Variants in SANBR observed in about 807,000 individuals in gnomAD.
SANBR encodes SANT and BTB domain regulator of CSR, also known as SANT and BTB domain regulator of class switch recombination.
SANBR carries 77 observed loss-of-function variants against 101.8 expected under a neutral mutation model. That is an observed-to-expected ratio of 0.76 (90% CI 0.63 to 0.91). The LOEUF (loss-of-function observed/expected upper bound fraction) is 0.91. SANBR is among the 40% of genes least tolerant of loss of function. The pLI is 0.00. For missense variants in SANBR, 875 were observed against 853.0 expected (o/e 1.03, Z -0.32); for synonymous variants, 279 against 274.7 (o/e 1.02, Z -0.15).
intron 17 of SANBR, 152 bp downstream of exon 17, chr2:61,116,222 T>C: frequency 3.5e-6 from 2 of 570,170 alleles, no homozygotes; most frequent in Non-Finnish European, 3.1e-6. Flanking sequence ...ATCTCTAAGA[T>C]ATATTGACAA....
At chr2:61,120,477 GCAAC>G (rs1202462123) in intron 20 of SANBR, among the ~76,000 whole-genome samples, 1 of 152,180 alleles carries the variant, frequency 6.6e-6, no homozygotes, top group Non-Finnish European at 1.5e-5. Flanking sequence ...TCTAGCCTGG[GCAAC>G]ACAGAGCGAT....
At chr2:61,098,291 A>G (rs1045830412) in intron 12 of SANBR, among the ~76,000 whole-genome samples, 6 of 151,792 alleles carry the variant, frequency 4.0e-5, no homozygotes, top group African/African-American at 1.2e-4. Context: ...TTTGTTAGAG[A>G]CAGGGTTTCG....
intron 13 of SANBR, among the ~76,000 whole-genome samples, chr2:61,105,384 C>G (rs1432268590): frequency 6.6e-6 from 1 of 151,546 alleles, no homozygotes; most frequent in African/African-American, 2.4e-5. Flanking sequence ...AAAAGCATTT[C>G]AGTTGGAGTT....
intron 8 of SANBR, among the ~76,000 whole-genome samples, chr2:61,087,894 GAA>G (rs1682527287): frequency 6.6e-6 from 1 of 151,532 alleles, no homozygotes; most frequent in Non-Finnish European, 1.5e-5. Context: ...AAAAATGACT[GAA>G]AGATAGCTAT....
chr2:61,113,330 A>G (rs1331212566), intron 16 of SANBR, among the ~76,000 whole-genome samples: 1 of 152,104 alleles, frequency 6.6e-6, no homozygotes, highest in African/African-American at 2.4e-5. Context: ...ATTTTCTACA[A>G]ATTTTAGAGT....
intron 13 of SANBR, among the ~76,000 whole-genome samples, chr2:61,104,584 T>C (rs1401001783): frequency 6.6e-6 from 1 of 152,144 alleles, no homozygotes; most frequent in East Asian, 1.9e-4. Flanking sequence ...CTTGAGGCCC[T>C]CTCAACCAAT....
rs1684165016 is a variant in SANBR, at chr2:61,118,124, T to C, written c.2028+8T>C. ...TCAAAGGAAGCAAAAGAAGTAAGAA[T>C]TGTGTACTAGTGTATTGTACTTGTG... On this transcript the variant is annotated splice_region_variant and intron_variant, in intron 20 of 21. Transcript: ENST00000402291. The C allele has an allele frequency of 1.3e-6, 2 of 1,591,358 alleles. No homozygotes were observed. The highest frequency in any genetic ancestry group is 1.7e-6 in the Non-Finnish European group (2 of 1,160,240).
intron 1 of SANBR, among the ~76,000 whole-genome samples, chr2:61,066,686 A>G (rs1681189420): frequency 6.6e-6 from 1 of 152,210 alleles, no homozygotes; most frequent in African/African-American, 2.4e-5. Flanking sequence ...CCACTGGCTA[A>G]GGGAAAACGT....
intron 5 of SANBR, among the ~76,000 whole-genome samples, chr2:61,076,639 A>AAAAG (rs781010289): frequency 6.6e-6 from 1 of 151,680 alleles, no homozygotes; most frequent in Non-Finnish European, 1.5e-5. Context: ...AAAAAAAAAA[A>AAAAG]AAAGAAAGAA....
At chr2:61,104,620 C>G (rs1683464207) in intron 13 of SANBR, among the ~76,000 whole-genome samples, 1 of 152,140 alleles carries the variant, frequency 6.6e-6, no homozygotes, top group African/African-American at 2.4e-5. Flanking sequence ...TTGTATCAAT[C>G]AATGCATGAT....
At chr2:61,119,769 G>A (rs759140414) in intron 20 of SANBR, among the ~76,000 whole-genome samples, 1 of 151,872 alleles carries the variant, frequency 6.6e-6, no homozygotes, top group East Asian at 1.9e-4. Context: ...ACCAGCCTGG[G>A]CGACATGATG....
At chr2:61,132,661 C>G (rs948951795) in intron 20 of SANBR, among the ~76,000 whole-genome samples, 2 of 152,124 alleles carry the variant, frequency 1.3e-5, no homozygotes, top group Non-Finnish European at 1.5e-5. Flanking sequence ...CAGATATATA[C>G]GCAAAAGAAT....
intron 3 of SANBR, 70 bp downstream of exon 3, chr2:61,070,570 AAG>A (rs1681409025): frequency 1.4e-6 from 2 of 1,393,638 alleles, no homozygotes; most frequent in Non-Finnish European, 2.0e-6. Context: ...AAGAAACACC[AAG>A]AGAGAGAAAA....
chr2:61,084,234 G>T (rs1018567198), intron 8 of SANBR, among the ~76,000 whole-genome samples: 2 of 152,108 alleles, frequency 1.3e-5, no homozygotes, highest in East Asian at 3.9e-4. Flanking sequence ...GATTACAGGT[G>T]TGAGCCACCA....
At chr2:61,105,906 G>A (rs566952383) in intron 13 of SANBR, among the ~76,000 whole-genome samples, 1 of 152,102 alleles carries the variant, frequency 6.6e-6, no homozygotes, top group East Asian at 1.9e-4. Flanking sequence ...TCCTGACCTC[G>A]TGATCCGCCC....
chr2:61,118,777 G>T (rs1020334170), intron 20 of SANBR, among the ~76,000 whole-genome samples: 13 of 151,766 alleles, frequency 8.6e-5, no homozygotes, highest in Non-Finnish European at 1.6e-4. Flanking sequence ...GGCCAGGCTG[G>T]TCTTGAGCTT....
intron 16 of SANBR, among the ~76,000 whole-genome samples, chr2:61,113,208 A>G (rs1250296714): frequency 6.6e-6 from 1 of 152,232 alleles, no homozygotes; most frequent in African/African-American, 2.4e-5. Context: ...CAGCATATCA[A>G]TACCACACTG....
At chr2:61,101,046 A>C (rs1037897829) in intron 12 of SANBR, among the ~76,000 whole-genome samples, 2 of 152,160 alleles carry the variant, frequency 1.3e-5, no homozygotes, top group Non-Finnish European at 2.9e-5. Context: ...TAACTGCATT[A>C]GTTTTCTTAT....
chr2:61,077,574 T>C lies in SANBR; in HGVS notation c.670+416T>C, dbSNP rs1391914892. Among the ~76,000 whole-genome samples the C allele has an allele frequency of 2.6e-5, 4 of 151,744 alleles. No individual in the cohort carries two copies. The East Asian group carries it at 7.7e-4, about 29-fold the overall frequency. On this transcript the variant is annotated intron_variant, in intron 6 of 21. Transcript: ENST00000402291. ...CCAAACTGTACTAGCAGTACATAGT[T>C]ACATAGTTAATAAGAAAAAAAAAAA... is the stretch of plus-strand genomic sequence containing the variant.
Sources: gnomAD v4.1 joint callset for allele counts (sites outside exome capture counted in the v4.1 genomes callset) on GRCh38, gnomAD v4.1.1 for gene constraint, MANE v1.5 for transcripts, NCBI Gene and HGNC (gene_info 2026-07-23, HGNC 2026-07-21) for gene names.